GRIN3A: variants seen among roughly 807,000 people sequenced by gnomAD.
The protein encoded by GRIN3A is glutamate ionotropic receptor NMDA type subunit 3A, also known as glutamate receptor ionotropic, NMDA 3A.
Under a neutral mutation model 92.4 loss-of-function variants are expected in GRIN3A, and 47 were observed. The ratio of observed to expected loss-of-function variants is 0.51; its 90% CI spans 0.40 to 0.65. The LOEUF is 0.65. Ranked by LOEUF, GRIN3A falls within the 30% of genes least tolerant of loss-of-function variation. The pLI is 0.00. For synonymous variants in GRIN3A, 527 were observed against 540.6 expected (o/e 0.97, Z 0.35); for missense variants, 1,324 against 1,393.1 (o/e 0.95, Z 0.79).
intron 3 of GRIN3A, among the ~76,000 whole-genome samples, chr9:101,655,920 A>T (rs35612279): frequency 0.12 from 17,837 of 152,060 alleles, 1,273 homozygotes; most frequent in East Asian, 0.17. Context: ...ACTTAACAGC[A>T]TTCAATTGCA....
chr9:101,714,826 A>T (rs1829923457), intron 1 of GRIN3A, among the ~76,000 whole-genome samples: 1 of 152,240 alleles, frequency 6.6e-6, no homozygotes, highest in Admixed American at 6.5e-5. Context: ...TGTTTTAATT[A>T]GAAAAACTGT....
chr9:101,689,358 G>A (rs2485536), intron 1 of GRIN3A, among the ~76,000 whole-genome samples: 119,146 of 152,070 alleles, frequency 0.78, 47,063 homozygotes, highest in Middle Eastern at 0.84. Context: ...TAAGAGTCAC[G>A]GATGAAATTG....
At chr9:101,726,715 G>A (rs1538166) in intron 1 of GRIN3A, among the ~76,000 whole-genome samples, 139,202 of 150,250 alleles carry the variant, frequency 0.93, 64,735 homozygotes, top group Middle Eastern at 0.99. Context: ...TAAAATTTAT[G>A]TTTTTAAAAT....
At position 101,590,743 on chromosome 9, in the gene GRIN3A, C is replaced by A. The variant is rs1005559759; in HGVS notation, c.2767-11383G>T. Among the ~76,000 whole-genome samples, 9 of 152,222 alleles carry A rather than the reference C, an allele frequency of 5.9e-5. No homozygotes were observed. In the South Asian group the frequency reaches 1.7e-3, roughly 28 times the overall value. On this transcript the variant is annotated intron_variant, in intron 6 of 8. Coordinates refer to ENST00000361820, the MANE Select transcript of GRIN3A (RefSeq NM_133445.3). ...AAAGTATTCAAAATAGATATAACACCATAGCAGACTAACTACCTACTCTAT... is the reference window on the plus strand; with the variant it reads ...AAAGTATTCAAAATAGATATAACACAATAGCAGACTAACTACCTACTCTAT...
At position 101,573,414 on chromosome 9, in the gene GRIN3A, G is replaced by A. The variant is rs754957771; in HGVS notation, c.3108C>T (p.Asn1036=). The A allele has an allele frequency of 3.7e-6, 6 of 1,614,074 alleles. No homozygotes were observed. The highest frequency in any genetic ancestry group is 5.1e-6 in the Non-Finnish European group (6 of 1,179,970). ...KYIFSDEEGQ[N]QLGIRIHQDI... ...CCTGGTGGATCCGGATGCCCAGCTG[G>A]TTTTGTCCTTCCTCATCACTAAAGA... is the stretch of plus-strand genomic sequence containing the variant. The change falls in exon 9 of 9, where the codon AAC becomes AAT. Residue 1036 remains asparagine, a synonymous_variant. Coordinates refer to ENST00000361820, the MANE Select transcript of GRIN3A (RefSeq NM_133445.3).
In GRIN3A at chr9:101,685,561, C is replaced by T. The variant is rs117603190; in HGVS notation, c.1304+1035G>A. Among the ~76,000 whole-genome samples the T allele has an allele frequency of 2.7e-3, 404 of 151,932 alleles. 2 individuals carry two copies. Among genetic ancestry groups the T allele is most frequent in the Non-Finnish European group, 4.6e-3 (315 of 67,936 alleles). On this transcript the variant is annotated intron_variant, in intron 2 of 8. Transcript: ENST00000361820. The stretch of plus-strand genomic sequence containing the variant: ...GAAAGTCTAAGCCCTAATGAAATAT[C>T]CTTTAAGGATATTCCCCCTTTCCCG...
intron 1 of GRIN3A, among the ~76,000 whole-genome samples, chr9:101,695,888 G>A (rs553974490): frequency 6.6e-6 from 1 of 152,082 alleles, no homozygotes; most frequent in Admixed American, 6.6e-5. Context: ...TGGAGCTCTC[G>A]AGCCTCTTTA....
rs1004699746 is a variant in GRIN3A at position 101,569,792 on chromosome 9, G to A, written c.*3382C>T. 3.3e-5 allele frequency: 5 copies of A among 152,154 alleles called. No individual in the cohort carries two copies. Among genetic ancestry groups the A allele is most frequent in the African/African-American group, 1.2e-4 (5 of 41,422 alleles). The allele number at this position is 152,154 out of a possible 1,614,324, so 9.4% of individuals were successfully genotyped here. A position where few individuals can be genotyped will look rare whatever the true frequency, so the allele number is the denominator to read the frequency against. On this transcript the variant is annotated 3_prime_UTR_variant, in exon 9 of 9. Transcript: ENST00000361820. Reference sequence around the variant, plus strand: ...AAAAATATGAGTTGGGAGAAAAAGAGGCTCTAAAGTAGTTTCTTTCCCCTT... The same window carrying A: ...AAAAATATGAGTTGGGAGAAAAAGAAGCTCTAAAGTAGTTTCTTTCCCCTT...
intron 3 of GRIN3A, among the ~76,000 whole-genome samples, chr9:101,635,226 G>T (rs949542734): frequency 2.0e-5 from 3 of 152,100 alleles, no homozygotes; most frequent in African/African-American, 7.2e-5. Context: ...TTGAGTCATT[G>T]CATCAAGTCT....
Position 101,670,716 on chromosome 9 carries a change from C to T in GRIN3A, c.1696G>A (p.Asp566Asn). 2 of 1,614,056 alleles carry T rather than the reference C, an allele frequency of 1.2e-6. No individual in the cohort carries two copies. The highest frequency in any genetic ancestry group is 2.2e-5 in the South Asian group (2 of 91,082). Residue 566 changes from aspartate to asparagine, a missense_variant, in exon 3 of 9, where the codon GAT becomes AAT. Transcript: ENST00000361820. ...SLFSSLHSSN[D>N]TVPIKFKKCC... The stretch of plus-strand genomic sequence containing the variant: ...TTCTTGAATTTAATGGGCACTGTAT[C>T]ATTACTGCTATGGAGGCTGCTAAAA...
intron 3 of GRIN3A, among the ~76,000 whole-genome samples, chr9:101,646,396 A>G (rs1360025915): frequency 1.3e-5 from 2 of 151,748 alleles, no homozygotes; most frequent in Non-Finnish European, 3.0e-5. Context: ...TTTTTATGTC[A>G]GTATTGTGCT....
rs746387249 is a variant in GRIN3A at position 101,573,283 on chromosome 9, G to A, written c.3239C>T (p.Ser1080Leu). The change falls in exon 9 of 9, where the codon TCA (serine) becomes TTA (leucine). Residue 1080 changes from serine to leucine, a missense_variant. Coordinates refer to ENST00000361820, the MANE Select transcript of GRIN3A (RefSeq NM_133445.3). Reference sequence around the variant, plus strand: ...CACCTGAATCTGCTTCTCGAGCTCTGAGAGTTCCTGCATCACTGAGTTCCG... The same window carrying A: ...CACCTGAATCTGCTTCTCGAGCTCTAAGAGTTCCTGCATCACTGAGTTCCG... ...VSRNSVMQEL[S>L]ELEKQIQVIR... The A allele has an allele frequency of 6.2e-7, 1 of 1,614,030 alleles. No homozygotes were observed. The highest frequency in any genetic ancestry group is 1.1e-5 in the South Asian group (1 of 91,084).
chr9:101,624,493 C>T (rs930576782), intron 4 of GRIN3A, among the ~76,000 whole-genome samples: 13 of 150,236 alleles, frequency 8.7e-5, no homozygotes, highest in Non-Finnish European at 1.6e-4. Context: ...TTTGTCCTTG[C>T]GATAGTTTAC....
intron 1 of GRIN3A, among the ~76,000 whole-genome samples, chr9:101,705,277 G>A (rs189964600): frequency 6.6e-5 from 10 of 152,202 alleles, no homozygotes; most frequent in Middle Eastern, 3.4e-3. Context: ...GAACAGAAGA[G>A]GGAGGCAGAG....
chr9:101,577,911 A>G (rs534313530), intron 7 of GRIN3A, 67 bp from the exon 8 acceptor site: 1 of 1,133,262 alleles, frequency 8.8e-7, no homozygotes, highest in East Asian at 2.4e-5. Context: ...ACAAAGAACC[A>G]CTTGAGATGT....
chr9:101,702,708 G>A (rs1226695916), intron 1 of GRIN3A, among the ~76,000 whole-genome samples: 1 of 152,008 alleles, frequency 6.6e-6, no homozygotes, highest in Non-Finnish European at 1.5e-5. Flanking sequence ...ATCTCCTTTA[G>A]GGTTGCTGTT....
intron 4 of GRIN3A, among the ~76,000 whole-genome samples, chr9:101,624,179 T>C (rs1828597170): frequency 6.6e-6 from 1 of 152,200 alleles, no homozygotes; most frequent in African/African-American, 2.4e-5. Flanking sequence ...ATTGTTACCA[T>C]GGAAATGGAC....
At chr9:101,577,706 C>T in intron 8 of GRIN3A, 62 bp downstream of exon 8, 2 of 1,150,540 alleles carry the variant, frequency 1.7e-6, no homozygotes, top group Non-Finnish European at 2.6e-6. Flanking sequence ...AATAATTATA[C>T]AGTTAGATCT....
At chr9:101,663,549 C>T (rs1829202705) in intron 3 of GRIN3A, among the ~76,000 whole-genome samples, 1 of 151,812 alleles carries the variant, frequency 6.6e-6, no homozygotes. Flanking sequence ...GGCATCCTTC[C>T]CTTCTTTGTG....
Sources: allele counts gnomAD v4.1 joint callset (sites outside exome capture counted in the v4.1 genomes callset), GRCh38; gene constraint gnomAD v4.1.1; transcripts MANE v1.5; gene names NCBI Gene and HGNC (gene_info 2026-07-23, HGNC 2026-07-21).